The following KLHL42 variants were observed in gnomAD, a reference collection of about 807,000 sequenced individuals.
KLHL42 encodes kelch-like protein 42.
KLHL42 carries 27 observed loss-of-function variants against 32.7 expected under a neutral mutation model. The observed-to-expected ratio is 0.83, with a 90% CI of 0.61 to 1.14. The LOEUF (loss-of-function observed/expected upper bound fraction) is 1.14, where lower values mean the gene tolerates loss of function less well. Ranked by LOEUF, KLHL42 falls within the 50% of genes most tolerant of loss-of-function variation. The pLI, the probability that KLHL42 is intolerant of heterozygous loss-of-function variation, is 0.00. For missense variants in KLHL42, 491 were observed against 560.8 expected (o/e 0.88, Z 1.26); for synonymous variants, 267 against 248.2 (o/e 1.08, Z -0.71).
Position 27,797,862 on chromosome 12 carries a change from C to T in KLHL42, c.1214C>T (p.Pro405Leu). Residue 405 changes from proline to leucine, a missense_variant, in exon 3 of 3, where the codon CCC becomes CTC. Around this residue, in one of 4 missense-constraint regions of KLHL42, gnomAD observed 152 missense variants for 125.9 expected, o/e 1.21. Transcript: ENST00000381271. ...IVGGCLHELG[P>L]NRRSSQSEDM... ...GGGGGGTGTCTCCACGAGCTGGGGC[C>T]CAACCGCAGGAGCAGCCAGAGCGAG... The T allele has an allele frequency of 1.3e-6, 1 of 780,306 alleles. No homozygotes were observed. The highest frequency in any genetic ancestry group is 2.4e-6 in the Non-Finnish European group (1 of 417,596). The allele number at this position is 780,306 out of a possible 1,614,324, so 48.3% of individuals were successfully genotyped here. A position where few individuals can be genotyped will look rare whatever the true frequency, so the allele number is the denominator to read the frequency against.
chr12:27,783,316 G>A (rs567441599), intron 1 of KLHL42, among the ~76,000 whole-genome samples: 1 of 152,176 alleles, frequency 6.6e-6, no homozygotes, highest in East Asian at 1.9e-4. Context: ...GGCAGAGGCA[G>A]AAGAAAATCT....
At position 27,801,741 on chromosome 12, in the gene KLHL42, G is replaced by A. The variant is rs2062248373; in HGVS notation, c.*3575G>A. On this transcript the variant is annotated 3_prime_UTR_variant, in exon 3 of 3. Coordinates refer to ENST00000381271, the MANE Select transcript of KLHL42 (RefSeq NM_020782.2). ...AAGGCTATTTGCCATCCCTGCCTTA[G>A]ACAGAGGAGTGAAAGAATTAAGTGG... is the stretch of plus-strand genomic sequence containing the variant. 1 of 152,186 alleles carries A rather than the reference G, an allele frequency of 6.6e-6. No individual in the cohort carries two copies. Among genetic ancestry groups the A allele is most frequent in the Non-Finnish European group, 1.5e-5 (1 of 68,034 alleles). The allele number at this position is 152,186 out of a possible 1,614,324, so 9.4% of individuals were successfully genotyped here.
intron 2 of KLHL42, among the ~76,000 whole-genome samples, chr12:27,794,182 C>T (rs754138950): frequency 1.3e-5 from 2 of 152,174 alleles, no homozygotes; most frequent in Non-Finnish European, 2.9e-5. Flanking sequence ...ACAACAGAAA[C>T]ATATTTTCTT....
intron 1 of KLHL42, among the ~76,000 whole-genome samples, chr12:27,782,250 C>T (rs978848026): frequency 4.6e-5 from 7 of 152,162 alleles, no homozygotes; most frequent in Admixed American, 3.9e-4. Flanking sequence ...CGAGGGTCCT[C>T]CTCGGCCAGG....
intron 1 of KLHL42, among the ~76,000 whole-genome samples, chr12:27,788,485 T>A (rs752894935): frequency 2.0e-5 from 3 of 152,226 alleles, no homozygotes; most frequent in Non-Finnish European, 4.4e-5. Context: ...GTAGCTACTG[T>A]TAATCCTTGA....
At chr12:27,794,817 C>T (rs1275731040) in intron 2 of KLHL42, among the ~76,000 whole-genome samples, 12 of 150,546 alleles carry the variant, frequency 8.0e-5, no homozygotes, top group Non-Finnish European at 1.5e-4. Flanking sequence ...TTTTTTCCCA[C>T]TCCAAGTTTT....
Position 27,780,343 on chromosome 12 carries a change from G to A in KLHL42, c.13G>A (p.Glu5Lys). The part of the protein sequence containing the change: MSAE[E>K]MVQIRLEDRC... ...GGGGCCCCCAGCCATGTCGGCCGAG[G>A]AGATGGTGCAGATCCGCCTGGAGGA... The change falls in exon 1 of 3, where the codon GAG becomes AAG. Residue 5 changes from glutamate (E) to lysine (K), a missense_variant. Glu to Lys is a moderately conservative substitution (Grantham distance 56). Coordinates refer to ENST00000381271, the MANE Select transcript of KLHL42 (RefSeq NM_020782.2). The surrounding 1 kb of genome is among the most constrained non-coding windows in gnomAD (Gnocchi z 8.8). 1 of 1,571,652 alleles carries A rather than the reference G, an allele frequency of 6.4e-7. No individual in the cohort carries two copies. Among genetic ancestry groups the A allele is most frequent in the Non-Finnish European group, 8.6e-7 (1 of 1,162,634 alleles).
Position 27,800,222 on chromosome 12 carries a change from T to C in KLHL42, c.*2056T>C. ...AATATTCCAGCCAACCAGTTAATTC[T>C]CTTCCTGGTTACATTCATTGGGTCT... On this transcript the variant is annotated 3_prime_UTR_variant, in exon 3 of 3. Coordinates refer to ENST00000381271, the MANE Select transcript of KLHL42 (RefSeq NM_020782.2). 1 of 985,316 alleles carries C rather than the reference T, an allele frequency of 1.0e-6. No individual in the cohort carries two copies. The highest frequency in any genetic ancestry group is 1.2e-6 in the Non-Finnish European group (1 of 829,844). 61.0% of individuals were successfully genotyped at this position (985,316 alleles called of 1,614,324 possible).
rs1183945597 is a variant in KLHL42 at position 27,800,593 on chromosome 12, A to T, written c.*2427A>T. ...TGTTGGTGCCAGTATTACATTGAAG[A>T]CTACCTATGATAGAGGCAATGTTGC... On this transcript the variant is annotated 3_prime_UTR_variant, in exon 3 of 3. Coordinates refer to ENST00000381271, the MANE Select transcript of KLHL42 (RefSeq NM_020782.2). 6.3e-6 allele frequency: 1 copy of T among 158,202 alleles called. No individual in the cohort carries two copies. The highest frequency in any genetic ancestry group is 1.9e-4 in the East Asian group (1 of 5,222). The allele number at this position is 158,202 out of a possible 1,614,324, so 9.8% of individuals were successfully genotyped here. A position where few individuals can be genotyped will look rare whatever the true frequency, so the allele number is the denominator to read the frequency against.
At position 27,791,606 on chromosome 12, in the gene KLHL42, A is replaced by C; in HGVS notation, c.873-102A>C. The C allele has an allele frequency of 2.8e-6, 3 of 1,061,000 alleles. No homozygotes were observed. In the South Asian group the frequency reaches 4.5e-5, roughly 16 times the overall value. The allele number at this position is 1,061,000 out of a possible 1,614,324, so 65.7% of individuals were successfully genotyped here. ...GAATGGCCCCCAACTGGGAGAGCGAATTTTCTTCAGATGTTCAGGAGAGTC... is the reference window on the plus strand; with the variant it reads ...GAATGGCCCCCAACTGGGAGAGCGACTTTTCTTCAGATGTTCAGGAGAGTC... On this transcript the variant is annotated intron_variant, in intron 1 of 2. Coordinates refer to ENST00000381271, the MANE Select transcript of KLHL42 (RefSeq NM_020782.2).
intron 1 of KLHL42, among the ~76,000 whole-genome samples, chr12:27,786,671 G>C (rs1013244066): frequency 1.9e-4 from 29 of 151,214 alleles, no homozygotes; most frequent in Admixed American, 1.8e-3. Context: ...GGACTGAATA[G>C]TGCAGTGATC....
chr12:27,788,443 C>A (rs2062182449), intron 1 of KLHL42, among the ~76,000 whole-genome samples: 1 of 152,194 alleles, frequency 6.6e-6, no homozygotes, highest in Non-Finnish European at 1.5e-5. Context: ...CCACCCAGAC[C>A]TCTGTGTCAT....
rs1198370328 is a variant in KLHL42, at chr12:27,798,846, CCT to C, written c.*683_*684del. ...ATGCTGGATAAATAGACTGATAAAA[CCT>C]CTTATTTTATTTATGTGGCAGGTTG... On this transcript the variant is annotated 3_prime_UTR_variant, in exon 3 of 3. Coordinates refer to ENST00000381271, the MANE Select transcript of KLHL42 (RefSeq NM_020782.2). 2 of 152,352 alleles carry C rather than the reference CCT, an allele frequency of 1.3e-5. No individual in the cohort carries two copies. The highest frequency in any genetic ancestry group is 2.9e-5 in the Non-Finnish European group (2 of 67,992). The allele number at this position is 152,352 out of a possible 1,614,324, so 9.4% of individuals were successfully genotyped here.
At position 27,800,359 on chromosome 12, in the gene KLHL42, T is replaced by TGTGTGGGG. The variant is rs2062240719; in HGVS notation, c.*2198_*2199insGGGGTGTG. ...TTGTGTGTGTGTGTGGGGGTGTGTG[T>TGTGTGGGG]GTGTGTGTGTGTGTATGTTTGCATA... On this transcript the variant is annotated 3_prime_UTR_variant, in exon 3 of 3. Coordinates refer to ENST00000381271, the MANE Select transcript of KLHL42 (RefSeq NM_020782.2). The TGTGTGGGG allele has an allele frequency of 7.1e-6, 4 of 560,522 alleles. No individual in the cohort carries two copies. Among genetic ancestry groups the TGTGTGGGG allele is most frequent in the Admixed American group, 1.5e-4 (2 of 13,698 alleles). The allele number at this position is 560,522 out of a possible 1,614,324, so 34.7% of individuals were successfully genotyped here.
intron 1 of KLHL42, among the ~76,000 whole-genome samples, chr12:27,783,633 G>C (rs1036921830): frequency 1.3e-5 from 2 of 152,056 alleles, no homozygotes; most frequent in Non-Finnish European, 2.9e-5. Context: ...CCAGGCTGGA[G>C]TGCAGTGGCG....
Position 27,791,737 on chromosome 12 carries a change from C to A in KLHL42, c.902C>A (p.Ser301Ter). The A allele has an allele frequency of 6.2e-7, 1 of 1,614,136 alleles. No individual in the cohort carries two copies. Among genetic ancestry groups the A allele is most frequent in the Non-Finnish European group, 8.5e-7 (1 of 1,179,984 alleles). ...RSNFKLVAVN[S>*]KLYAIGGQAV... ...AACTTCAAACTTGTGGCTGTTAATT[C>A]AAAACTCTATGCCATCGGAGGGCAG... is the stretch of plus-strand genomic sequence containing the variant. The change falls in exon 2 of 3, where the codon TCA becomes TAA. Residue 301 changes from serine (S) to a stop codon, truncating the protein, a stop_gained. Coordinates refer to ENST00000381271, the MANE Select transcript of KLHL42 (RefSeq NM_020782.2). LOFTEE classifies it high-confidence loss of function.
intron 2 of KLHL42, among the ~76,000 whole-genome samples, chr12:27,793,587 G>A (rs1165089846): frequency 6.6e-6 from 1 of 151,760 alleles, no homozygotes; most frequent in East Asian, 1.9e-4. Flanking sequence ...AACTGTGGTT[G>A]TGGGAAGACA....
At chr12:27,783,896 T>G (rs902340597) in intron 1 of KLHL42, among the ~76,000 whole-genome samples, 3 of 152,128 alleles carry the variant, frequency 2.0e-5, no homozygotes, top group African/African-American at 7.2e-5. Context: ...ACCTCACGCT[T>G]TTTAATGGCT....
At position 27,780,266 on chromosome 12, in the gene KLHL42, CGTAGGGGCTGGGAGGCCGGCGCGCAG is replaced by C. The variant is rs1250794331; in HGVS notation, c.-64_-39del. On this transcript the variant is annotated 5_prime_UTR_variant, in exon 1 of 3. Transcript: ENST00000381271. This position sits in a 1 kb window ranked among gnomAD's most constrained non-coding sequence, Gnocchi z 8.8. ...GCGCCCCGCCCGGAACCGGCGCGCG[CGTAGGGGCTGGGAGGCCGGCGCGCAG>C]ATCTGGCGGTGAGCGCTGCCGCCCC... 2.1e-6 allele frequency: 3 copies of C among 1,405,632 alleles called. No homozygotes were observed. The highest frequency in any genetic ancestry group is 2.6e-4 in the Middle Eastern group (1 of 3,872). 87.1% of individuals were successfully genotyped at this position (1,405,632 alleles called of 1,614,324 possible).
Sources: gnomAD v4.1 joint callset for allele counts (sites outside exome capture counted in the v4.1 genomes callset) on GRCh38, gnomAD v4.1.1 for gene constraint, gnomAD v4.1.1 regional missense constraint, Gnocchi (gnomAD v3.1) non-coding constraint, MANE v1.5 for transcripts, NCBI Gene and HGNC (gene_info 2026-07-23, HGNC 2026-07-21) for gene names.